Variants in SLIT3 observed in about 807,000 individuals in gnomAD.
SLIT3 encodes slit homolog 3 protein.
SLIT3 carries 68 observed loss-of-function variants against 184.0 expected under a neutral mutation model. That is an observed-to-expected ratio of 0.37 (90% CI 0.30 to 0.45). The LOEUF (loss-of-function observed/expected upper bound fraction) is 0.45, where lower values mean the gene tolerates loss of function less well. SLIT3 is among the 20% of genes least tolerant of loss of function. SLIT3 has a pLI of 1.00. For synonymous variants in SLIT3, 831 were observed against 828.6 expected (o/e 1.00, Z -0.05); for missense variants, 1,707 against 2,026.0 (o/e 0.84, Z 3.02).
intron 19 of SLIT3, among the ~76,000 whole-genome samples, chr5:168,748,972 C>T (rs1754600843): frequency 6.6e-6 from 1 of 152,168 alleles, no homozygotes; most frequent in African/African-American, 2.4e-5. Context: ...ATCCATATCC[C>T]CAGCCAGTGA....
At chr5:168,837,122 C>T (rs1469910126) in intron 6 of SLIT3, among the ~76,000 whole-genome samples, 1 of 152,166 alleles carries the variant, frequency 6.6e-6, no homozygotes, top group Non-Finnish European at 1.5e-5. Context: ...AACCCAGTTT[C>T]TTTCCTAGTA....
At chr5:168,853,402 C>T (rs1312280602) in intron 5 of SLIT3, among the ~76,000 whole-genome samples, 7 of 152,120 alleles carry the variant, frequency 4.6e-5, no homozygotes, top group Non-Finnish European at 8.8e-5. Context: ...AATGTACCAC[C>T]TAAAATAGTC....
chr5:168,941,701 C>A (rs1411180653), intron 4 of SLIT3, among the ~76,000 whole-genome samples: 1 of 152,124 alleles, frequency 6.6e-6, no homozygotes, highest in Non-Finnish European at 1.5e-5. Context: ...TGATAAAAGG[C>A]TCATCGAAAG....
Position 168,662,909 on chromosome 5 carries a change from A to C in SLIT3, c.*3545T>G, listed in dbSNP as rs1016192052. The C allele has an allele frequency of 2.0e-5, 3 of 152,220 alleles. No homozygotes were observed. The highest frequency in any genetic ancestry group is 4.4e-5 in the Non-Finnish European group (3 of 68,050). 9.4% of individuals were successfully genotyped at this position (152,220 alleles called of 1,614,324 possible). A position where few individuals can be genotyped will look rare whatever the true frequency, so the allele number is the denominator to read the frequency against. On this transcript the variant is annotated 3_prime_UTR_variant, in exon 36 of 36. Coordinates refer to ENST00000519560, the MANE Select transcript of SLIT3 (RefSeq NM_003062.4). ...TGACTGCTCAAGGAGAGAGCGTTTT[A>C]ATCATCATTTGTTAGAGGAGCCTCA... is the stretch of plus-strand genomic sequence containing the variant.
rs1754561871 is a variant in SLIT3 at position 168,748,287 on chromosome 5, G to A, written c.2270+15C>T. 1.4e-6 allele frequency: 2 copies of A among 1,457,352 alleles called. No homozygotes were observed. The highest frequency in any genetic ancestry group is 3.0e-5 in the South Asian group (2 of 66,508). The allele number at this position is 1,457,352 out of a possible 1,614,324, so 90.3% of individuals were successfully genotyped here. ...TGAGATGACAGGGTGCTTGGAGGCA[G>A]CTGGGGGTACTTACAGCTCGGTCAC... On this transcript the variant is annotated intron_variant, in intron 20 of 35. Transcript: ENST00000519560.
At chr5:168,883,727 G>A (rs564531602) in intron 4 of SLIT3, among the ~76,000 whole-genome samples, 2 of 136,492 alleles carry the variant, frequency 1.5e-5, no homozygotes, top group Non-Finnish European at 3.1e-5. Context: ...TGGGGTCAAC[G>A]CCGCTCAATC....
intron 3 of SLIT3, among the ~76,000 whole-genome samples, chr5:169,194,836 G>A (rs1483237543): frequency 6.6e-6 from 1 of 152,158 alleles, no homozygotes; most frequent in African/African-American, 2.4e-5. Context: ...GTTTTTAAGT[G>A]ACACAGAGCC....
At chr5:168,979,470 T>C (rs946472780) in intron 4 of SLIT3, among the ~76,000 whole-genome samples, 1 of 152,236 alleles carries the variant, frequency 6.6e-6, no homozygotes, top group Non-Finnish European at 1.5e-5. Flanking sequence ...ACTCTTCCCC[T>C]GTTTACCAGG....
chr5:168,721,973 A>G (rs1762956450), intron 23 of SLIT3, among the ~76,000 whole-genome samples: 1 of 152,216 alleles, frequency 6.6e-6, no homozygotes, highest in Non-Finnish European at 1.5e-5. Flanking sequence ...ATCCTCACAA[A>G]GGAGGTGCTA....
chr5:168,675,189 C>T (rs921871706), intron 32 of SLIT3, among the ~76,000 whole-genome samples: 21 of 152,136 alleles, frequency 1.4e-4, no homozygotes, highest in Non-Finnish European at 2.4e-4. Context: ...TGAGCTCTGT[C>T]TTATCTATTC....
intron 18 of SLIT3, among the ~76,000 whole-genome samples, chr5:168,750,932 C>T (rs1028186329): frequency 1.3e-5 from 2 of 151,584 alleles, no homozygotes; most frequent in Non-Finnish European, 1.5e-5. Context: ...TATGTTAGGA[C>T]ATGGTTAGTG....
intron 4 of SLIT3, among the ~76,000 whole-genome samples, chr5:169,166,160 C>CCCT (rs1554103637): frequency 6.6e-6 from 1 of 151,636 alleles, no homozygotes; most frequent in African/African-American, 2.4e-5. Flanking sequence ...ATTTTTTTCT[C>CCCT]CTCCTCCTCT....
At chr5:168,883,398 A>G in intron 4 of SLIT3, 62 bp from the exon 5 acceptor site, 6 of 1,234,754 alleles carry the variant, frequency 4.9e-6, no homozygotes, top group Non-Finnish European at 7.1e-6. Flanking sequence ...TCTGCATCTC[A>G]TTAAATGATA....
chr5:169,184,449 G>A (rs1004684185), intron 4 of SLIT3, among the ~76,000 whole-genome samples: 2 of 152,174 alleles, frequency 1.3e-5, no homozygotes, highest in African/African-American at 4.8e-5. Context: ...AGGACTGAAG[G>A]AGTTGGCATC....
intron 4 of SLIT3, among the ~76,000 whole-genome samples, chr5:168,990,690 A>G (rs368029165): frequency 6.6e-5 from 10 of 152,092 alleles, no homozygotes; most frequent in African/African-American, 2.4e-4. Flanking sequence ...AAGCAGGGGA[A>G]CCTTCTGTCG....
At chr5:169,133,766 C>T (rs1300413715) in intron 4 of SLIT3, among the ~76,000 whole-genome samples, 2 of 151,954 alleles carry the variant, frequency 1.3e-5, no homozygotes, top group Non-Finnish European at 2.9e-5. Context: ...AATGTAGGTG[C>T]AAAAGAGGTA....
intron 16 of SLIT3, among the ~76,000 whole-genome samples, chr5:168,759,898 G>A (rs1276543425): frequency 6.6e-6 from 1 of 152,160 alleles, no homozygotes; most frequent in Non-Finnish European, 1.5e-5. Context: ...TAAGGCAGAG[G>A]GGCCAAAGAG....
intron 4 of SLIT3, among the ~76,000 whole-genome samples, chr5:168,907,979 T>TAGATAGAGAGAGAGAG (rs1761132025): frequency 2.0e-5 from 1 of 50,088 alleles, no homozygotes; most frequent in Non-Finnish European, 3.3e-5. Context: ...TATATATATA[T>TAGATAGAGAGAGAGAG]AGAGAGAGAG....
At chr5:168,748,468 G>A (rs745947953) in intron 19 of SLIT3, 34 bp from the exon 20 acceptor site, 65 of 1,504,020 alleles carry the variant, frequency 4.3e-5, no homozygotes, top group Non-Finnish European at 5.3e-5. Context: ...GAGGGTTGTG[G>A]GAGATAAGCC....
Sources: allele counts gnomAD v4.1 joint callset (sites outside exome capture counted in the v4.1 genomes callset), GRCh38; gene constraint gnomAD v4.1.1; transcripts MANE v1.5; gene names NCBI Gene and HGNC (gene_info 2026-07-23, HGNC 2026-07-21).